The following ARHGEF4 variants were observed in gnomAD, a reference collection of about 807,000 sequenced individuals.
ARHGEF4 encodes the protein APC-stimulated guanine nucleotide exchange factor 1.
Under a neutral mutation model 162.0 loss-of-function variants are expected in ARHGEF4, and 119 were observed. The observed-to-expected ratio is 0.73, with a 90% CI of 0.63 to 0.86. The LOEUF (loss-of-function observed/expected upper bound fraction) is 0.86. Among genes scored for constraint, ARHGEF4 ranks in the 40% least tolerant of loss-of-function variants. ARHGEF4 has a pLI of 0.00. For synonymous variants in ARHGEF4, 1,014 were observed against 979.9 expected (o/e 1.03, Z -0.65); for missense variants, 2,488 against 2,456.0 (o/e 1.01, Z -0.28).
In ARHGEF4 at chr2:130,915,810, G is replaced by C. The variant is rs780361550; in HGVS notation, c.1864G>C (p.Gly622Arg). 8 of 1,524,402 alleles carry C rather than the reference G, an allele frequency of 5.2e-6. No homozygotes were observed. The South Asian group carries it at 6.3e-5, about 12-fold the overall frequency. The allele number at this position is 1,524,402 out of a possible 1,614,324, so 94.4% of individuals were successfully genotyped here. The change falls in exon 2 of 14, where the codon GGC becomes CGC. Residue 622 changes from glycine (G) to arginine (R), a missense_variant. Physicochemically the swap from Gly to Arg is moderately radical, Grantham distance 125. Coordinates refer to ENST00000409359, the MANE Select transcript of ARHGEF4 (RefSeq NM_001367493.1). ...GGRQLEPKAG[G>R]EASRGRGALI... ...CCGGCAGCTGGAGCCCAAAGCAGGC[G>C]GCGAGGCCTCGAGGGGCAGGGGCGC... is the stretch of plus-strand genomic sequence containing the variant.
chr2:131,045,822 C>CGAAG, intron 13 of ARHGEF4: 1 of 1,435,050 alleles, frequency 7.0e-7, no homozygotes, highest in Non-Finnish European at 9.1e-7. Flanking sequence ...CCCCCCTCTT[C>CGAAG]AGGCTGCTGC....
At chr2:130,945,153 T>C (rs1169327380) in intron 3 of ARHGEF4, among the ~76,000 whole-genome samples, 1 of 152,028 alleles carries the variant, frequency 6.6e-6, no homozygotes, top group Non-Finnish European at 1.5e-5. Flanking sequence ...CGGGAACTCA[T>C]ACACAACATT....
chr2:131,039,858 T>G, intron 6 of ARHGEF4, 158 bp from the exon 7 acceptor site: 1 of 1,426,718 alleles, frequency 7.0e-7, no homozygotes, highest in East Asian at 2.6e-5. Flanking sequence ...AGGACTTGCG[T>G]GGGTGGCGTG....
chr2:130,853,700 C>G (rs1465472763), intron 1 of ARHGEF4, among the ~76,000 whole-genome samples: 2 of 152,186 alleles, frequency 1.3e-5, no homozygotes, highest in African/African-American at 2.4e-5. Context: ...CGGTCTGCCC[C>G]TCTCCAGTGG....
chr2:130,849,445 C>T (rs1403475758), intron 1 of ARHGEF4, among the ~76,000 whole-genome samples: 1 of 152,142 alleles, frequency 6.6e-6, no homozygotes, highest in African/African-American at 2.4e-5. Flanking sequence ...AGCCATTTTG[C>T]TCCTGGGGGC....
rs1430328181 is a variant in ARHGEF4 at position 130,913,989 on chromosome 2, C to G, written c.43C>G (p.Pro15Ala). Residue 15 changes from proline to alanine, a missense_variant, in exon 2 of 14, where the codon CCA becomes GCA. By Grantham distance (27) the Pro-to-Ala change is conservative (BLOSUM62 -1). Around this residue, in one of 6 missense-constraint regions of ARHGEF4, gnomAD observed 171 missense variants for 169.4 expected, o/e 1.01. Coordinates refer to ENST00000409359, the MANE Select transcript of ARHGEF4 (RefSeq NM_001367493.1). ...TCCTCTCTTCTTGCCCTCCCAGACT[C>G]CAGAGCCAGGTGCACACCTGCCAGG... ...VHFLRSFFKT[P>A]EPGAHLPGEG... 9.8e-6 allele frequency: 15 copies of G among 1,535,980 alleles called. No homozygotes were observed. The highest frequency in any genetic ancestry group is 1.3e-5 in the Non-Finnish European group (15 of 1,146,916).
chr2:130,916,770 AAGG>A lies in ARHGEF4; in HGVS notation c.2827_2829del (p.Glu943del), dbSNP rs1474848879. ...TTCCCCAAGTTCTCCCAAGGGCGAG[AAGG>A]AGAAGAGCAGGCTGCGCCAGGGTTC... On this transcript the variant is annotated inframe_deletion, in exon 2 of 14. Transcript: ENST00000409359. 3.2e-6 allele frequency: 5 copies of A among 1,550,516 alleles called. No homozygotes were observed. The highest frequency in any genetic ancestry group is 2.7e-5 in the African/African-American group (2 of 73,024).
At chr2:130,918,619 C>A (rs569394749) in intron 2 of ARHGEF4, among the ~76,000 whole-genome samples, 2 of 152,260 alleles carry the variant, frequency 1.3e-5, no homozygotes, top group East Asian at 1.9e-4. Context: ...GCTGGGAGGG[C>A]GGCAGATAAG....
intron 1 of ARHGEF4, among the ~76,000 whole-genome samples, chr2:130,880,849 A>C (rs1294822920): frequency 6.6e-6 from 1 of 151,056 alleles, no homozygotes; most frequent in African/African-American, 2.4e-5. Context: ...TTTTTTTTTA[A>C]ATAATGGAAG....
intron 5 of ARHGEF4, chr2:131,035,899 C>T (rs1690240378): frequency 1.0e-6 from 1 of 980,414 alleles, no homozygotes; most frequent in African/African-American, 1.7e-5. Context: ...CAGAGCCTGG[C>T]AGCGTTGCCC....
intron 1 of ARHGEF4, among the ~76,000 whole-genome samples, chr2:130,911,153 G>A (rs1475706501): frequency 1.3e-5 from 2 of 152,154 alleles, no homozygotes; most frequent in African/African-American, 2.4e-5. Flanking sequence ...GTGGGATGTG[G>A]GGCCTGCCGG....
chr2:130,849,769 C>T (rs788195), intron 1 of ARHGEF4, among the ~76,000 whole-genome samples: 28,412 of 151,872 alleles, frequency 0.19, 4,379 homozygotes, highest in African/African-American at 0.41. Context: ...TGTTTCACCA[C>T]GTCCAGTCTG....
At chr2:130,929,259 TG>T (rs995398160) in intron 2 of ARHGEF4, among the ~76,000 whole-genome samples, 1 of 152,226 alleles carries the variant, frequency 6.6e-6, no homozygotes, top group African/African-American at 2.4e-5. Context: ...ATTAGATCAG[TG>T]GTTTGCAACC....
chr2:130,882,261 G>A (rs116378176), intron 1 of ARHGEF4, among the ~76,000 whole-genome samples: 4,081 of 152,214 alleles, frequency 0.027, 200 homozygotes, highest in African/African-American at 0.093. Context: ...GCTGGGCCCA[G>A]GAGGGCCTGT....
rs879123632 is a variant in ARHGEF4 at position 130,946,557 on chromosome 2, A to G, written c.3907A>G (p.Arg1303Gly). The G allele has an allele frequency of 3.1e-6, 5 of 1,614,050 alleles. No individual in the cohort carries two copies. In the South Asian group the frequency reaches 5.5e-5, roughly 18 times the overall value. Residue 1303 changes from arginine to glycine, a missense_variant, in exon 4 of 14, where the codon AGA becomes GGA. Around this residue, in one of 6 missense-constraint regions of ARHGEF4, gnomAD observed 1,642 missense variants for 1,481.5 expected, o/e 1.11. Coordinates refer to ENST00000409359, the MANE Select transcript of ARHGEF4 (RefSeq NM_001367493.1). The stretch of plus-strand genomic sequence containing the variant: ...CTCTCCAGAGTCTTTGAATCTCCCT[A>G]GAAGAAGCCATCCACTCTCCCAGAG... ...ITSPESLNLPRRSHPLSQSAP... is the reference protein window; with the variant it reads ...ITSPESLNLPGRSHPLSQSAP...
intron 6 of ARHGEF4, 129 bp downstream of exon 6, chr2:131,039,161 G>A (rs916401824): frequency 2.6e-5 from 33 of 1,284,106 alleles, no homozygotes; most frequent in Admixed American, 2.5e-4. Flanking sequence ...GTGTCGGGGC[G>A]CAGTGTCACA....
At chr2:130,971,487 G>A (rs372035416) in intron 4 of ARHGEF4, among the ~76,000 whole-genome samples, 5 of 151,964 alleles carry the variant, frequency 3.3e-5, no homozygotes, top group South Asian at 2.1e-4. Flanking sequence ...GTGAAACCCC[G>A]TCTCTACTAA....
At chr2:130,856,468 C>T (rs1157608489) in intron 1 of ARHGEF4, among the ~76,000 whole-genome samples, 1 of 152,144 alleles carries the variant, frequency 6.6e-6, no homozygotes, top group East Asian at 1.9e-4. Flanking sequence ...GCAGATTTGC[C>T]TTGCAAGAAA....
intron 1 of ARHGEF4, among the ~76,000 whole-genome samples, chr2:130,840,423 G>A (rs1382963521): frequency 1.3e-5 from 2 of 152,224 alleles, no homozygotes; most frequent in Non-Finnish European, 2.9e-5. Flanking sequence ...GTTAAGGGGG[G>A]ATGCAGCAGC....
Sources: gnomAD v4.1 joint callset for allele counts (sites outside exome capture counted in the v4.1 genomes callset) on GRCh38, gnomAD v4.1.1 for gene constraint, gnomAD v4.1.1 regional missense constraint, MANE v1.5 for transcripts, NCBI Gene and HGNC (gene_info 2026-07-23, HGNC 2026-07-21) for gene names.